The following MYOCD variants were observed in gnomAD, a reference collection of about 807,000 sequenced individuals.
The protein encoded by MYOCD is myocardin.
Under a neutral mutation model 96.1 loss-of-function variants are expected in MYOCD, and 32 were observed. That is an observed-to-expected ratio of 0.33 (90% CI 0.25 to 0.45). The LOEUF (loss-of-function observed/expected upper bound fraction) is 0.45, where lower values mean the gene tolerates loss of function less well. Ranked by LOEUF, MYOCD falls within the 20% of genes least tolerant of loss-of-function variation. The probability of loss-of-function intolerance (pLI) is 1.00; values close to 1 mark genes in which losing one functional copy is unlikely to be tolerated. For synonymous variants in MYOCD, 469 were observed against 469.0 expected (o/e 1.00, Z 0.00); for missense variants, 1,133 against 1,200.6 (o/e 0.94, Z 0.83).
rs1007347099 is a variant in MYOCD at position 12,697,335 on chromosome 17, GTATA to G, written c.56-7771_56-7768del. On this transcript the variant is annotated intron_variant, in intron 1 of 13. Transcript: ENST00000425538. ...CTCATTCTTCTTTTCTGGTATAGGA[GTATA>G]TATATATATATATATATATATTTTT... Among the ~76,000 whole-genome samples, 236 of 92,020 alleles carry G rather than the reference GTATA, an allele frequency of 2.6e-3. 2 individuals carry two copies. Among genetic ancestry groups the G allele is most frequent in the African/African-American group, 6.0e-3 (132 of 22,002 alleles). 60.4% of individuals were successfully genotyped at this position (92,020 alleles called of 152,430 possible).
At chr17:12,714,361 A>C (rs535375416) in intron 2 of MYOCD, among the ~76,000 whole-genome samples, 31 of 148,370 alleles carry the variant, frequency 2.1e-4, no homozygotes, top group East Asian at 5.9e-4. Flanking sequence ...ACACACACAC[A>C]CCCCGATCTG....
At chr17:12,749,890 C>T (rs1165869978) in intron 9 of MYOCD, among the ~76,000 whole-genome samples, 1 of 151,904 alleles carries the variant, frequency 6.6e-6, no homozygotes, top group Admixed American at 6.6e-5. Context: ...CGCTCTGTCG[C>T]CCAGGCTGGA....
chr17:12,683,697 T>C (rs1457338178), intron 1 of MYOCD, among the ~76,000 whole-genome samples: 1 of 152,168 alleles, frequency 6.6e-6, no homozygotes, highest in Non-Finnish European at 1.5e-5. Flanking sequence ...CCAGACAAGC[T>C]TCCCTAATTC....
intron 5 of MYOCD, among the ~76,000 whole-genome samples, chr17:12,726,474 C>A (rs1188816903): frequency 6.6e-6 from 1 of 152,100 alleles, no homozygotes; most frequent in African/African-American, 2.4e-5. Context: ...AAGTTTCATC[C>A]ACTTATTAAA....
chr17:12,714,324 C>CACACACACAT (rs1491512451), intron 2 of MYOCD, among the ~76,000 whole-genome samples: 2 of 4,388 alleles, frequency 4.6e-4, no homozygotes, highest in African/African-American at 8.7e-4. Context: ...GAGGCACGTG[C>CACACACACAT]ACACACACAC....
At chr17:12,700,660 C>T (rs147004564) in intron 1 of MYOCD, among the ~76,000 whole-genome samples, 3,115 of 151,250 alleles carry the variant, frequency 0.021, 149 homozygotes, top group Admixed American at 0.11. Flanking sequence ...GTGATCCACC[C>T]GTCTGGGCCT....
chr17:12,711,924 C>CTTTTTTTT (rs11388469), intron 2 of MYOCD, among the ~76,000 whole-genome samples: 2 of 134,832 alleles, frequency 1.5e-5, no homozygotes. Context: ...TTTCTTTTTT[C>CTTTTTTTT]TTTTTTTTTT....
chr17:12,731,084 G>A (rs2032156830), intron 5 of MYOCD, among the ~76,000 whole-genome samples: 1 of 152,218 alleles, frequency 6.6e-6, no homozygotes, highest in South Asian at 2.1e-4. Context: ...TCCCAAAGCA[G>A]GTCCTTGTCA....
chr17:12,767,159 A>T lies in MYOCD; in HGVS notation c.*3515A>T, dbSNP rs574950374. 6.6e-6 allele frequency: 1 copy of T among 152,270 alleles called. No individual in the cohort carries two copies. The highest frequency in any genetic ancestry group is 2.1e-4 in the South Asian group (1 of 4,818). 9.4% of individuals were successfully genotyped at this position (152,270 alleles called of 1,614,324 possible). A position where few individuals can be genotyped will look rare whatever the true frequency, so the allele number is the denominator to read the frequency against. ...GTCACATTATGAGAAGTAAATCAGAATTTTTTTAAGGAGAAGTCATTCTTA... is the reference window on the plus strand; with the variant it reads ...GTCACATTATGAGAAGTAAATCAGATTTTTTTTAAGGAGAAGTCATTCTTA... On this transcript the variant is annotated 3_prime_UTR_variant, in exon 14 of 14. Coordinates refer to ENST00000425538, the MANE Select transcript of MYOCD (RefSeq NM_001146312.3).
chr17:12,761,003 T>A lies in MYOCD; in HGVS notation c.2389+296T>A, dbSNP rs201077667. The A allele has an allele frequency of 4.9e-5, 8 of 164,452 alleles. No individual in the cohort carries two copies. In the South Asian group the frequency reaches 9.3e-4, roughly 19 times the overall value. 10.2% of individuals were successfully genotyped at this position (164,452 alleles called of 1,614,324 possible). A position where few individuals can be genotyped will look rare whatever the true frequency, so the allele number is the denominator to read the frequency against. On this transcript the variant is annotated intron_variant, in intron 13 of 13. Transcript: ENST00000425538. Reference sequence around the variant, plus strand: ...GTGTTTTCTCTTGCTGCACTTCTTCTTTCTATGTTCTAATCTCAATGCCCC... The same window carrying A: ...GTGTTTTCTCTTGCTGCACTTCTTCATTCTATGTTCTAATCTCAATGCCCC...
At chr17:12,738,160 T>C (rs2032399101) in intron 6 of MYOCD, among the ~76,000 whole-genome samples, 1 of 152,170 alleles carries the variant, frequency 6.6e-6, no homozygotes, top group Non-Finnish European at 1.5e-5. Context: ...CCAGGCAAGA[T>C]GCAAAAATCA....
At chr17:12,708,967 G>T (rs1440877009) in intron 2 of MYOCD, among the ~76,000 whole-genome samples, 1 of 152,158 alleles carries the variant, frequency 6.6e-6, no homozygotes, top group East Asian at 1.9e-4. Context: ...AATTTCAAAA[G>T]TGTGTCGTGC....
At chr17:12,745,118 G>A (rs1014157853) in intron 8 of MYOCD, among the ~76,000 whole-genome samples, 1 of 152,208 alleles carries the variant, frequency 6.6e-6, no homozygotes, top group Non-Finnish European at 1.5e-5. Context: ...CTGAGCAGCT[G>A]ACAGACACTC....
At chr17:12,762,970 A>G in intron 13 of MYOCD, 103 bp from the exon 14 acceptor site, 5 of 921,876 alleles carry the variant, frequency 5.4e-6, no homozygotes, top group Non-Finnish European at 8.2e-6. Flanking sequence ...AGCGGTGACC[A>G]GGGAAGCGTG....
chr17:12,741,241 A>G (rs1300563037), intron 7 of MYOCD, among the ~76,000 whole-genome samples: 1 of 152,172 alleles, frequency 6.6e-6, no homozygotes, highest in Non-Finnish European at 1.5e-5. Context: ...AAACCACAAG[A>G]GCTTAAACCC....
rs532584450 is a variant in MYOCD at position 12,720,130 on chromosome 17, C to G, written c.253+2709C>G. On this transcript the variant is annotated intron_variant, in intron 4 of 13. Coordinates refer to ENST00000425538, the MANE Select transcript of MYOCD (RefSeq NM_001146312.3). ...TGGCAGCCTCCAGGTACCACATGTA[C>G]AGGGATCATGGCCGCCTCCAAGTGG... Among the ~76,000 whole-genome samples, 73 of 152,058 alleles carry G rather than the reference C, an allele frequency of 4.8e-4. 1 individual carries two copies. Among genetic ancestry groups the G allele is most frequent in the African/African-American group, 1.7e-3 (70 of 41,480 alleles).
rs376347628 is a variant in MYOCD at position 12,705,136 on chromosome 17, T to C, written c.64T>C (p.Leu22=). 4 of 1,612,768 alleles carry C rather than the reference T, an allele frequency of 2.5e-6. No homozygotes were observed. In the African/African-American group the frequency reaches 5.3e-5, roughly 21 times the overall value. Residue 22 remains leucine (L), a synonymous_variant, in exon 2 of 14, where the codon TTA becomes CTA. Coordinates refer to ENST00000425538, the MANE Select transcript of MYOCD (RefSeq NM_001146312.3). The stretch of plus-strand genomic sequence containing the variant: ...ACACTCCCTTTTCTAAGTTTTACAG[T>C]TAAGACTTCAACAAAGAAGGACCCA... ...IRSKFRSVLQ[L]RLQQRRTQEQ...
At chr17:12,676,255 A>G (rs1368746180) in intron 1 of MYOCD, among the ~76,000 whole-genome samples, 3,196 of 96,722 alleles carry the variant, frequency 0.033, 41 homozygotes, top group Middle Eastern at 0.072. Context: ...GCACACACAC[A>G]CACACACACA....
At chr17:12,750,453 C>T (rs1204145633) in intron 9 of MYOCD, among the ~76,000 whole-genome samples, 2 of 152,146 alleles carry the variant, frequency 1.3e-5, no homozygotes, top group African/African-American at 4.8e-5. Context: ...CTTTGGGAGG[C>T]TGAGGTGAGT....
Sources: gnomAD v4.1 joint callset for allele counts (sites outside exome capture counted in the v4.1 genomes callset) on GRCh38, gnomAD v4.1.1 for gene constraint, MANE v1.5 for transcripts, NCBI Gene and HGNC (gene_info 2026-07-23, HGNC 2026-07-21) for gene names.